Variants in RUSF1 observed in about 807,000 individuals in gnomAD.
RUSF1 encodes the protein RUS1 family protein C16orf58.
Under a neutral mutation model 63.0 loss-of-function variants are expected in RUSF1, and 58 were observed. The ratio of observed to expected loss-of-function variants is 0.92; its 90% CI spans 0.75 to 1.15. The LOEUF is 1.15. Among genes scored for constraint, RUSF1 ranks in the 50% most tolerant of loss-of-function variants. The pLI, the probability that RUSF1 is intolerant of heterozygous loss-of-function variation, is 0.00. For missense variants in RUSF1, 652 were observed against 611.0 expected (o/e 1.07, Z -0.71); for synonymous variants, 274 against 255.8 (o/e 1.07, Z -0.68).
rs762390403 is a variant in RUSF1 at position 31,493,703 on chromosome 16, G to A, written c.858C>T (p.Thr286=). 3.7e-6 allele frequency: 6 copies of A among 1,614,130 alleles called. No homozygotes were observed. Among genetic ancestry groups the A allele is most frequent in the African/African-American group, 1.3e-5 (1 of 74,940 alleles). ...YRAVRALVME[T]LNEGRLRLVL... ...CCAGCCGGAGCCGGCCTTCGTTCAA[G>A]GTCTCCATGACCAGGGCTCGGACCG... The change falls in exon 8 of 13, where the codon ACC becomes ACT. Residue 286 remains threonine (T), a synonymous_variant. Coordinates refer to ENST00000327237, the MANE Select transcript of RUSF1 (RefSeq NM_022744.4).
At chr16:31,507,500 G>A (rs148134169) in intron 2 of RUSF1, among the ~76,000 whole-genome samples, 1 of 152,180 alleles carries the variant, frequency 6.6e-6, no homozygotes, top group Non-Finnish European at 1.5e-5. Flanking sequence ...GGGATAAAGG[G>A]GAGGGGACGG....
intron 6 of RUSF1, among the ~76,000 whole-genome samples, chr16:31,496,455 G>A (rs1225003059): frequency 2.0e-5 from 3 of 152,172 alleles, no homozygotes; most frequent in South Asian, 4.1e-4. Flanking sequence ...GCTCCCTAGG[G>A]TGGGCAAGGG....
rs1452480397 is a variant in RUSF1 at position 31,493,762 on chromosome 16, GGAA to G, written c.796_798del (p.Phe266del). On this transcript the variant is annotated inframe_deletion, in exon 8 of 13. Transcript: ENST00000327237. ...TTGGCGTAGATGTGGAGGGCAGTGAGGAAGAAGAAACATCCAAGGCTGAAGCTG... is the reference window on the plus strand; with the variant it reads ...TTGGCGTAGATGTGGAGGGCAGTGAGGAAGAAACATCCAAGGCTGAAGCTG... The G allele has an allele frequency of 1.2e-6, 2 of 1,614,118 alleles. No homozygotes were observed. Among genetic ancestry groups the G allele is most frequent in the African/African-American group, 2.7e-5 (2 of 74,936 alleles).
At position 31,490,830 on chromosome 16, in the gene RUSF1, G is replaced by C; in HGVS notation, c.*5C>G. The C allele has an allele frequency of 6.2e-7, 1 of 1,614,088 alleles. No individual in the cohort carries two copies. Among genetic ancestry groups the C allele is most frequent in the Non-Finnish European group, 8.5e-7 (1 of 1,179,944 alleles). Reference sequence around the variant, plus strand: ...GCCCTGGGCTTGGGCCTCCGTCTGGGCTGCTCACAAGACCTTCTTTTCGGG... The same window carrying C: ...GCCCTGGGCTTGGGCCTCCGTCTGGCCTGCTCACAAGACCTTCTTTTCGGG... On this transcript the variant is annotated 3_prime_UTR_variant, in exon 13 of 13. Transcript: ENST00000327237.
Position 31,496,893 on chromosome 16 carries a change from G to T in RUSF1, c.658C>A (p.Arg220=). The T allele has an allele frequency of 6.2e-7, 1 of 1,609,568 alleles. No homozygotes were observed. The highest frequency in any genetic ancestry group is 8.5e-7 in the Non-Finnish European group (1 of 1,178,338). ...TRAALTVHQA[R]RNNMADVSAK... ...GACACGTCAGCCATGTTGTTCCTCC[G>T]AGCCTGGTGCACGGTCAGGGCAGCC... Residue 220 remains arginine (R), a synonymous_variant, in exon 6 of 13, where the codon CGG becomes AGG. Coordinates refer to ENST00000327237, the MANE Select transcript of RUSF1 (RefSeq NM_022744.4).
rs1462562376 is a variant in RUSF1, at chr16:31,493,602, C to G, written c.958+1G>C. 5 of 1,614,094 alleles carry G rather than the reference C, an allele frequency of 3.1e-6. No homozygotes were observed. The highest frequency in any genetic ancestry group is 3.4e-6 in the Non-Finnish European group (4 of 1,180,046). Reference sequence around the variant, plus strand: ...GGACCCGAGACCAGGGGCAGGGTCACCTGTCCACAGCGGCTCCATGCGATT... The same window carrying G: ...GGACCCGAGACCAGGGGCAGGGTCAGCTGTCCACAGCGGCTCCATGCGATT... On this transcript the variant is annotated splice_donor_variant, in intron 8 of 12. Coordinates refer to ENST00000327237, the MANE Select transcript of RUSF1 (RefSeq NM_022744.4). LOFTEE classifies it high-confidence loss of function.
At chr16:31,504,785 A>C (rs1353520638) in intron 2 of RUSF1, among the ~76,000 whole-genome samples, 4 of 152,182 alleles carry the variant, frequency 2.6e-5, no homozygotes, top group Non-Finnish European at 5.9e-5. Flanking sequence ...GTACTAAGAA[A>C]ATTGTTTTGC....
chr16:31,492,845 A>T, intron 10 of RUSF1, 133 bp downstream of exon 10: 1 of 791,216 alleles, frequency 1.3e-6, no homozygotes, highest in Non-Finnish European at 2.0e-6. Flanking sequence ...TTGCAGCTGT[A>T]ATTTGAACGG....
chr16:31,491,049 A>G (rs1198114105), intron 12 of RUSF1, 117 bp from the exon 13 acceptor site: 5 of 895,896 alleles, frequency 5.6e-6, no homozygotes, highest in African/African-American at 1.7e-5. Context: ...CTGGGTGAGT[A>G]TGGCATAAAA....
chr16:31,496,199 G>C (rs989449244), intron 6 of RUSF1, among the ~76,000 whole-genome samples: 5 of 152,108 alleles, frequency 3.3e-5, no homozygotes, highest in African/African-American at 1.2e-4. Flanking sequence ...GGGACTACAG[G>C]TGTGCACCAC....
chr16:31,500,761 A>G, intron 2 of RUSF1, 30 bp from the exon 3 acceptor site: 1 of 1,606,708 alleles, frequency 6.2e-7, no homozygotes, highest in Non-Finnish European at 8.5e-7. Flanking sequence ...GGTAAGGAGC[A>G]AGGAAGAGGT....
chr16:31,506,821 T>C (rs1318275748), intron 2 of RUSF1, among the ~76,000 whole-genome samples: 2 of 151,776 alleles, frequency 1.3e-5, no homozygotes, highest in Non-Finnish European at 2.9e-5. Flanking sequence ...GGGGTCTCCC[T>C]ATGTTGCCCA....
At position 31,489,995 on chromosome 16, in the gene RUSF1, T is replaced by C. The variant is rs2082547043; in HGVS notation, c.*840A>G. Reference sequence around the variant, plus strand: ...TTAAGCCTGGGCTGGGTGTGTAGACTGGACAGAGGTGGGTAGGGCAGGCAG... The same window carrying C: ...TTAAGCCTGGGCTGGGTGTGTAGACCGGACAGAGGTGGGTAGGGCAGGCAG... On this transcript the variant is annotated 3_prime_UTR_variant, in exon 13 of 13. Coordinates refer to ENST00000327237, the MANE Select transcript of RUSF1 (RefSeq NM_022744.4). The C allele has an allele frequency of 6.9e-7, 1 of 1,453,162 alleles. No individual in the cohort carries two copies. Among genetic ancestry groups the C allele is most frequent in the Non-Finnish European group, 9.5e-7 (1 of 1,052,212 alleles). The allele number at this position is 1,453,162 out of a possible 1,614,324, so 90.0% of individuals were successfully genotyped here. A position where few individuals can be genotyped will look rare whatever the true frequency, so the allele number is the denominator to read the frequency against.
At chr16:31,503,300 T>C (rs1053292471) in intron 2 of RUSF1, among the ~76,000 whole-genome samples, 1 of 152,226 alleles carries the variant, frequency 6.6e-6, no homozygotes, top group African/African-American at 2.4e-5. Flanking sequence ...GTCAAAATCA[T>C]GGCCCTAAGT....
In RUSF1 at chr16:31,490,418, G is replaced by A. The variant is rs372404252; in HGVS notation, c.*417C>T. On this transcript the variant is annotated 3_prime_UTR_variant, in exon 13 of 13. Coordinates refer to ENST00000327237, the MANE Select transcript of RUSF1 (RefSeq NM_022744.4). ...CGCCCCTTACCCAGGAGGAGGCAGC[G>A]GCAGCAGCCAGGCGGCTGGAGGACA... is the stretch of plus-strand genomic sequence containing the variant. The A allele has an allele frequency of 1.6e-5, 26 of 1,613,516 alleles. No homozygotes were observed. The highest frequency in any genetic ancestry group is 1.6e-4 in the Middle Eastern group (1 of 6,066).
chr16:31,490,880 C>T lies in RUSF1; in HGVS notation c.1362G>A (p.Glu454=), dbSNP rs754238050. ...KTEKHQLEVD[E]WRATWLLSPE... ...GAGACAGAAGCCATGTGGCCCTCCACTCATCCACCTCTAGCTGGTGCTTCT... is the reference window on the plus strand; with the variant it reads ...GAGACAGAAGCCATGTGGCCCTCCATTCATCCACCTCTAGCTGGTGCTTCT... The change falls in exon 13 of 13, where the codon GAG becomes GAA. Residue 454 remains glutamate, a synonymous_variant. Coordinates refer to ENST00000327237, the MANE Select transcript of RUSF1 (RefSeq NM_022744.4). 3.7e-6 allele frequency: 6 copies of T among 1,614,110 alleles called. No homozygotes were observed. Among genetic ancestry groups the T allele is most frequent in the Non-Finnish European group, 5.1e-6 (6 of 1,180,062 alleles).
chr16:31,494,642 ATACCCT>A (rs1322229736), intron 6 of RUSF1, among the ~76,000 whole-genome samples: 6 of 152,098 alleles, frequency 3.9e-5, no homozygotes, highest in Non-Finnish European at 5.9e-5. Context: ...TGCCCTCGGA[ATACCCT>A]TGAACACATC....
chr16:31,503,942 G>A (rs1162967479), intron 2 of RUSF1, among the ~76,000 whole-genome samples: 2 of 152,322 alleles, frequency 1.3e-5, no homozygotes, highest in African/African-American at 2.4e-5. Flanking sequence ...GATCATAGGC[G>A]TGAGCCACCG....
chr16:31,500,655 C>A (rs762210779), intron 3 of RUSF1, 31 bp downstream of exon 3: 1 of 1,607,028 alleles, frequency 6.2e-7, no homozygotes, highest in Non-Finnish European at 8.5e-7. Flanking sequence ...GGAAGAGTTG[C>A]CAGAGTTGCT....
Sources: gnomAD v4.1 joint callset for allele counts (sites outside exome capture counted in the v4.1 genomes callset) on GRCh38, gnomAD v4.1.1 for gene constraint, MANE v1.5 for transcripts, NCBI Gene and HGNC (gene_info 2026-07-23, HGNC 2026-07-21) for gene names.